Variants in NRXN3 observed in about 807,000 individuals in gnomAD.
NRXN3 encodes neurexin 3.
In NRXN3, 32 loss-of-function variants were observed where a neutral mutation model predicts 137.6. The observed-to-expected ratio is 0.23, with a 90% CI of 0.18 to 0.31. NRXN3 has a LOEUF of 0.31. Ranked by LOEUF, NRXN3 falls within the 10% of genes least tolerant of loss-of-function variation. The pLI is 1.00. For synonymous variants in NRXN3, 798 were observed against 784.5 expected (o/e 1.02, Z -0.29); for missense variants, 1,574 against 2,062.5 (o/e 0.76, Z 4.59).
At chr14:79,636,557 C>A (rs1470441338) in intron 16 of NRXN3, among the ~76,000 whole-genome samples, 4 of 152,142 alleles carry the variant, frequency 2.6e-5, no homozygotes, top group Non-Finnish European at 5.9e-5. Context: ...TAACCCAGGG[C>A]AAAAACACAG....
rs1432098394 is a variant in NRXN3, at chr14:78,926,713, T to A, written c.2276-30529T>A. 2.8e-3 allele frequency among the ~76,000 whole-genome samples: 235 copies of A among 84,156 alleles called. 1 individual carries two copies. The highest frequency in any genetic ancestry group is 4.7e-3 in the Middle Eastern group (1 of 214). 55.2% of individuals were successfully genotyped at this position (84,156 alleles called of 152,430 possible). On this transcript the variant is annotated intron_variant, in intron 10 of 20. Coordinates refer to ENST00000335750, the MANE Select transcript of NRXN3 (RefSeq NM_001330195.2). ...ATATATATAAAATATATATTATATA[T>A]TATATAATTATATATAATATAAAAT...
intron 10 of NRXN3, among the ~76,000 whole-genome samples, chr14:78,903,390 C>T (rs1277566563): frequency 6.6e-6 from 1 of 151,900 alleles, no homozygotes; most frequent in Non-Finnish European, 1.5e-5. Context: ...GATCTGCCTG[C>T]CTCAGTCTCC....
chr14:78,712,747 A>G (rs7148486), intron 7 of NRXN3, among the ~76,000 whole-genome samples: 138,860 of 152,102 alleles, frequency 0.91, 63,695 homozygotes, highest in Admixed American at 0.96. Flanking sequence ...ATTTTTAGTA[A>G]AGATGGGGTT....
intron 10 of NRXN3, among the ~76,000 whole-genome samples, chr14:78,890,517 G>A (rs1432314132): frequency 1.3e-5 from 2 of 151,628 alleles, no homozygotes; most frequent in Admixed American, 1.3e-4. Context: ...TGTTCTCCCA[G>A]CAGAGGAAAT....
intron 16 of NRXN3, among the ~76,000 whole-genome samples, chr14:79,585,824 C>G (rs888336796): frequency 4.0e-5 from 6 of 151,714 alleles, no homozygotes; most frequent in Non-Finnish European, 7.4e-5. Flanking sequence ...TGGTGGAGAG[C>G]ATTCACATTC....
At chr14:79,650,039 A>G (rs555835116) in intron 16 of NRXN3, among the ~76,000 whole-genome samples, 3 of 152,248 alleles carry the variant, frequency 2.0e-5, no homozygotes, top group African/African-American at 7.2e-5. Flanking sequence ...TGTCTTTTCT[A>G]TCTCCGGGCA....
chr14:79,279,035 C>T (rs573940486), intron 15 of NRXN3, among the ~76,000 whole-genome samples: 3 of 152,198 alleles, frequency 2.0e-5, no homozygotes, highest in Admixed American at 6.5e-5. Context: ...TGAGAAGGTG[C>T]CTTCATGGCT....
chr14:79,428,354 A>G lies in NRXN3; in HGVS notation c.3263-38867A>G, dbSNP rs74596790. Among the ~76,000 whole-genome samples the G allele has an allele frequency of 1.7e-3, 256 of 152,102 alleles. 1 individual carries two copies. Among genetic ancestry groups the G allele is most frequent in the African/African-American group, 6.0e-3 (250 of 41,558 alleles). On this transcript the variant is annotated intron_variant, in intron 15 of 20. Coordinates refer to ENST00000335750, the MANE Select transcript of NRXN3 (RefSeq NM_001330195.2). ...ATTTTATTTTTTAATTAAAAAAATA[A>G]TATTATCTTTTATTTGTCTTTAAGA...
chr14:79,376,243 T>C (rs1219188237), intron 15 of NRXN3, among the ~76,000 whole-genome samples: 7 of 107,746 alleles, frequency 6.5e-5, no homozygotes, highest in Middle Eastern at 4.6e-3. Context: ...TATATATATA[T>C]ATATATATAT....
At chr14:79,343,216 C>T (rs1009830781) in intron 15 of NRXN3, among the ~76,000 whole-genome samples, 2 of 152,144 alleles carry the variant, frequency 1.3e-5, no homozygotes, top group African/African-American at 4.8e-5. Flanking sequence ...AATTGCTCAT[C>T]TTGTGGCTAA....
intron 10 of NRXN3, among the ~76,000 whole-genome samples, chr14:78,932,913 T>C (rs2099326355): frequency 6.6e-6 from 1 of 152,180 alleles, no homozygotes; most frequent in South Asian, 2.1e-4. Context: ...TTCTTGGAGT[T>C]GTTGAATTAT....
At chr14:79,040,784 T>G (rs969072625) in intron 15 of NRXN3, among the ~76,000 whole-genome samples, 1 of 152,168 alleles carries the variant, frequency 6.6e-6, no homozygotes, top group Non-Finnish European at 1.5e-5. Flanking sequence ...TAGCTCCACC[T>G]TGTCCTCCTA....
chr14:79,575,734 G>C (rs77261841), intron 16 of NRXN3, among the ~76,000 whole-genome samples: 3,910 of 152,108 alleles, frequency 0.026, 80 homozygotes, highest in Middle Eastern at 0.058. Context: ...TTCCATGTTT[G>C]AGTATATATA....
At chr14:78,848,840 G>A (rs542528419) in intron 10 of NRXN3, among the ~76,000 whole-genome samples, 3 of 152,176 alleles carry the variant, frequency 2.0e-5, no homozygotes, top group Admixed American at 1.3e-4. Flanking sequence ...TAGCTGGGAG[G>A]AGTTGCTGGA....
rs545837475 is a variant in NRXN3, at chr14:79,324,806, T to G, written c.3263-142415T>G. 4.0e-4 allele frequency among the ~76,000 whole-genome samples: 61 copies of G among 152,342 alleles called. No homozygotes were observed. The South Asian group carries it at 0.013, about 32-fold the overall frequency. On this transcript the variant is annotated intron_variant, in intron 15 of 20. Coordinates refer to ENST00000335750, the MANE Select transcript of NRXN3 (RefSeq NM_001330195.2). ...TCAATCATTAGAACCTAAGCTTTCT[T>G]GTATCAATGTAAAGTATGTGTGTGT...
chr14:78,338,638 G>A (rs574439649), intron 4 of NRXN3, among the ~76,000 whole-genome samples: 17 of 152,288 alleles, frequency 1.1e-4, no homozygotes, highest in East Asian at 3.9e-4. Context: ...GGGGACAGGG[G>A]AAGTATATCA....
chr14:78,848,257 C>T (rs2099033120), intron 10 of NRXN3, among the ~76,000 whole-genome samples: 1 of 152,074 alleles, frequency 6.6e-6, no homozygotes, highest in Non-Finnish European at 1.5e-5. Context: ...GGAGGATGCT[C>T]AGGGATCTTC....
chr14:78,637,184 A>G (rs1021488453), intron 4 of NRXN3, among the ~76,000 whole-genome samples: 2 of 152,164 alleles, frequency 1.3e-5, no homozygotes, highest in African/African-American at 2.4e-5. Context: ...TCTTGAGCCT[A>G]TACATGTGTC....
chr14:79,125,331 T>A (rs985941746), intron 15 of NRXN3, among the ~76,000 whole-genome samples: 1 of 152,220 alleles, frequency 6.6e-6, no homozygotes, highest in Non-Finnish European at 1.5e-5. Context: ...CTCACTAGAA[T>A]GAAAGAAATT....
Sources: gnomAD v4.1 joint callset for allele counts (sites outside exome capture counted in the v4.1 genomes callset) on GRCh38, gnomAD v4.1.1 for gene constraint, MANE v1.5 for transcripts, NCBI Gene and HGNC (gene_info 2026-07-23, HGNC 2026-07-21) for gene names.